NRG1: variants seen among roughly 807,000 people sequenced by gnomAD.
NRG1 encodes neuregulin 1, also known as pro-neuregulin-1, membrane-bound isoform.
Under a neutral mutation model 63.8 loss-of-function variants are expected in NRG1, and 18 were observed. That is an observed-to-expected ratio of 0.28 (90% confidence interval 0.19 to 0.42). NRG1 has a LOEUF of 0.42. NRG1 is among the 10% of genes least tolerant of loss of function. NRG1 has a pLI of 1.00. For missense variants in NRG1, 762 were observed against 814.7 expected (o/e 0.94, Z 0.79); for synonymous variants, 302 against 301.3 (o/e 1.00, Z -0.02).
intron 1 of NRG1, among the ~76,000 whole-genome samples, chr8:31,903,672 T>A (rs1431514919): frequency 6.6e-6 from 1 of 152,164 alleles, no homozygotes; most frequent in Non-Finnish European, 1.5e-5. Context: ...GATTTTATCT[T>A]GGCCAGGCAT....
chr8:32,145,385 A>G (rs1277127068), intron 1 of NRG1, among the ~76,000 whole-genome samples: 1 of 152,064 alleles, frequency 6.6e-6, no homozygotes, highest in African/African-American at 2.4e-5. Flanking sequence ...TATATAGACA[A>G]AGAATATATT....
chr8:31,676,783 T>A (rs7830115), intron 1 of NRG1, among the ~76,000 whole-genome samples: 3 of 152,218 alleles, frequency 2.0e-5, no homozygotes, highest in Non-Finnish European at 2.9e-5. Flanking sequence ...ATATGATCTT[T>A]GGGGAAATTA....
intron 1 of NRG1, among the ~76,000 whole-genome samples, chr8:32,378,119 G>A (rs903749322): frequency 2.0e-5 from 3 of 152,058 alleles, no homozygotes; most frequent in Non-Finnish European, 4.4e-5. Flanking sequence ...TGAGAGAATT[G>A]AGCTGGTTTG....
intron 1 of NRG1, among the ~76,000 whole-genome samples, chr8:31,672,585 C>G (rs1807266193): frequency 6.6e-6 from 1 of 151,962 alleles, no homozygotes; most frequent in South Asian, 2.1e-4. Context: ...GCATGTAGCA[C>G]AGGAAATATG....
chr8:32,439,908 C>T (rs991835993), intron 1 of NRG1, among the ~76,000 whole-genome samples: 1 of 151,716 alleles, frequency 6.6e-6, no homozygotes, highest in East Asian at 1.9e-4. Context: ...CCTCCAGTAG[C>T]TGAGACCACA....
chr8:31,732,726 C>G (rs1814220688), intron 1 of NRG1, among the ~76,000 whole-genome samples: 2 of 152,026 alleles, frequency 1.3e-5, no homozygotes, highest in African/African-American at 4.8e-5. Flanking sequence ...GAAACTCCAT[C>G]TCTACTAAAA....
intron 1 of NRG1, among the ~76,000 whole-genome samples, chr8:31,905,581 G>A (rs145973144): frequency 1.4e-4 from 21 of 152,190 alleles, no homozygotes; most frequent in Non-Finnish European, 3.1e-4. Flanking sequence ...TCTGTTTGTG[G>A]GAAAAATGGC....
chr8:32,306,517 CAG>C (rs1272164966), intron 1 of NRG1, among the ~76,000 whole-genome samples: 2 of 152,192 alleles, frequency 1.3e-5, no homozygotes, highest in Non-Finnish European at 2.9e-5. Context: ...TTAATGGACT[CAG>C]GGCTTTGTTG....
chr8:32,077,871 A>T (rs1314459326), intron 1 of NRG1, among the ~76,000 whole-genome samples: 2 of 152,178 alleles, frequency 1.3e-5, no homozygotes, highest in African/African-American at 4.8e-5. Context: ...CTTTGTCAGT[A>T]TCAGACCAGC....
At chr8:31,745,923 A>T (rs1007464064) in intron 1 of NRG1, among the ~76,000 whole-genome samples, 4 of 151,964 alleles carry the variant, frequency 2.6e-5, no homozygotes, top group African/African-American at 9.7e-5. Flanking sequence ...TTATCAATCA[A>T]GTAATCACGA....
intron 1 of NRG1, among the ~76,000 whole-genome samples, chr8:31,801,006 A>AT (rs1416635059): frequency 1.2e-4 from 8 of 66,032 alleles, no homozygotes; most frequent in Admixed American, 1.7e-4. Flanking sequence ...ACGCCCGCCA[A>AT]TTTTTTTGTA....
At chr8:32,404,022 A>C (rs1265959688) in intron 1 of NRG1, among the ~76,000 whole-genome samples, 1 of 152,156 alleles carries the variant, frequency 6.6e-6, no homozygotes, top group Non-Finnish European at 1.5e-5. Flanking sequence ...TGCACCTTAC[A>C]CTTTTCATTT....
At position 31,817,039 on chromosome 8, in the gene NRG1, G is replaced by A. The variant is rs139771873; in HGVS notation, c.37+177608G>A. ...CATTATAAAAAAAAATTCTCTAAGA[G>A]TGACTAGTTATAAGGTTATATCTTT... On this transcript the variant is annotated intron_variant, in intron 1 of 10. Transcript: ENST00000519301. 3.8e-3 allele frequency among the ~76,000 whole-genome samples: 585 copies of A among 152,254 alleles called. 1 individual carries two copies. Among genetic ancestry groups the A allele is most frequent in the Middle Eastern group, 0.02 (6 of 294 alleles).
intron 5 of NRG1, among the ~76,000 whole-genome samples, chr8:32,657,954 T>G (rs1589030476): frequency 2.0e-5 from 3 of 152,202 alleles, no homozygotes; most frequent in Non-Finnish European, 4.4e-5. Flanking sequence ...TGTCATGTAA[T>G]CTATAAAAGC....
At chr8:32,506,869 G>T (rs533607442) in intron 1 of NRG1, among the ~76,000 whole-genome samples, 3 of 152,026 alleles carry the variant, frequency 2.0e-5, no homozygotes, top group Non-Finnish European at 4.4e-5. Context: ...AACAGAGTGA[G>T]ACCCTGCCTC....
chr8:31,701,885 C>T (rs1810668723), intron 1 of NRG1, among the ~76,000 whole-genome samples: 1 of 152,190 alleles, frequency 6.6e-6, no homozygotes, highest in Non-Finnish European at 1.5e-5. Context: ...CAGTAGTGGT[C>T]AGGCAGTGAT....
intron 1 of NRG1, among the ~76,000 whole-genome samples, chr8:32,154,451 C>A (rs1204910291): frequency 1.3e-5 from 2 of 151,894 alleles, no homozygotes; most frequent in Admixed American, 6.6e-5. Flanking sequence ...TCCTTCCTGG[C>A]ACCCCCCAGC....
chr8:32,415,735 T>C (rs1202359746), intron 1 of NRG1, among the ~76,000 whole-genome samples: 1 of 152,222 alleles, frequency 6.6e-6, no homozygotes, highest in East Asian at 1.9e-4. Context: ...ACTCTCTTTG[T>C]ATTTGTATCC....
intron 1 of NRG1, among the ~76,000 whole-genome samples, chr8:32,038,468 A>G (rs1563710267): frequency 6.6e-6 from 1 of 152,150 alleles, no homozygotes; most frequent in Non-Finnish European, 1.5e-5. Flanking sequence ...CAGACACTGC[A>G]AGAAACAGAA....
Sources: allele counts gnomAD v4.1 joint callset (sites outside exome capture counted in the v4.1 genomes callset), GRCh38; gene constraint gnomAD v4.1.1; transcripts MANE v1.5; gene names NCBI Gene and HGNC (gene_info 2026-07-23, HGNC 2026-07-21).